NRXN1: variants seen among roughly 807,000 people sequenced by gnomAD.
The protein encoded by NRXN1 is neurexin-1.
A neutral mutation model predicts 150.9 loss-of-function variants in NRXN1; 39 were observed. The observed-to-expected ratio is 0.26, with a 90% CI of 0.20 to 0.34. The LOEUF (loss-of-function observed/expected upper bound fraction) is 0.34, where lower values mean the gene tolerates loss of function less well. Ranked by LOEUF, NRXN1 falls within the 10% of genes least tolerant of loss-of-function variation. The pLI, the probability that NRXN1 is intolerant of heterozygous loss-of-function variation, is 1.00. For missense variants in NRXN1, 1,815 were observed against 1,949.9 expected (o/e 0.93, Z 1.30); for synonymous variants, 924 against 757.0 (o/e 1.22, Z -3.62).
chr2:50,235,239 A>T (rs886148649), intron 18 of NRXN1, among the ~76,000 whole-genome samples: 1 of 152,130 alleles, frequency 6.6e-6, no homozygotes, highest in African/African-American at 2.4e-5. Flanking sequence ...CTAAACAGCA[A>T]GATTCCTTAC....
At chr2:50,867,128 CTTT>C (rs1677050555) in intron 5 of NRXN1, among the ~76,000 whole-genome samples, 1 of 151,838 alleles carries the variant, frequency 6.6e-6, no homozygotes, top group Non-Finnish European at 1.5e-5. Flanking sequence ...ATCTCATGAG[CTTT>C]TTACTTTTGT....
chr2:50,410,631 G>A (rs565868249), intron 17 of NRXN1, among the ~76,000 whole-genome samples: 111 of 152,268 alleles, frequency 7.3e-4, no homozygotes, highest in Middle Eastern at 3.4e-3. Flanking sequence ...AATTTTAACT[G>A]CTGACCTTTG....
At chr2:50,011,198 T>C (rs567896150) in intron 21 of NRXN1, among the ~76,000 whole-genome samples, 21 of 152,280 alleles carry the variant, frequency 1.4e-4, no homozygotes, top group African/African-American at 5.1e-4. Context: ...TAGGTAGCTA[T>C]TGTCACAATC....
At chr2:50,481,760 C>CTTTTTTTTTTTTTTTTTTT (rs758265489) in intron 15 of NRXN1, among the ~76,000 whole-genome samples, 2 of 82,958 alleles carry the variant, frequency 2.4e-5, no homozygotes, top group African/African-American at 5.8e-5. Context: ...ACTTTTGTTT[C>CTTTTTTTTTTTTTTTTTTT]TTTTTTTTTT....
chr2:50,918,614 GTCAT>G (rs1685553702), intron 5 of NRXN1: 3 of 372,272 alleles, frequency 8.1e-6, no homozygotes, highest in Non-Finnish European at 1.4e-5. Flanking sequence ...AATTTAAATA[GTCAT>G]TCATTTCTGA....
chr2:50,487,544 T>C (rs570588222), intron 15 of NRXN1, among the ~76,000 whole-genome samples: 1 of 152,244 alleles, frequency 6.6e-6, no homozygotes, highest in Admixed American at 6.5e-5. Flanking sequence ...TGGATAAAGA[T>C]GGCAGATTTA....
intron 18 of NRXN1, among the ~76,000 whole-genome samples, chr2:50,133,782 A>T (rs1348764670): frequency 6.6e-6 from 1 of 152,204 alleles, no homozygotes. Flanking sequence ...AACAGTTGCT[A>T]TTAACAGATT....
chr2:50,603,246 A>G (rs1485753586), intron 8 of NRXN1, among the ~76,000 whole-genome samples: 2 of 152,198 alleles, frequency 1.3e-5, no homozygotes, highest in African/African-American at 4.8e-5. Context: ...TGACTGGACT[A>G]TGGGACCAGC....
intron 19 of NRXN1, among the ~76,000 whole-genome samples, chr2:50,076,026 T>C (rs1242235026): frequency 6.6e-6 from 1 of 152,260 alleles, no homozygotes; most frequent in Non-Finnish European, 1.5e-5. Context: ...GCCCACATTT[T>C]ACTCTTCTGT....
chr2:50,897,816 T>A (rs144692408), intron 5 of NRXN1, among the ~76,000 whole-genome samples: 9 of 152,208 alleles, frequency 5.9e-5, no homozygotes, highest in Non-Finnish European at 1.3e-4. Flanking sequence ...ATGTTCTGTA[T>A]CTTGGTTGCA....
chr2:50,472,141 G>A (rs759260338), intron 16 of NRXN1, among the ~76,000 whole-genome samples, 157 bp downstream of exon 16: 3 of 151,664 alleles, frequency 2.0e-5, no homozygotes, highest in Admixed American at 6.6e-5. Flanking sequence ...GAAAATTTAA[G>A]GTTTATGAGA....
intron 17 of NRXN1, among the ~76,000 whole-genome samples, chr2:50,450,333 T>TATC (rs1488302425): frequency 6.6e-6 from 1 of 152,108 alleles, no homozygotes; most frequent in African/African-American, 2.4e-5. Flanking sequence ...AATTGTTAGT[T>TATC]ATCTTATTAA....
intron 5 of NRXN1, among the ~76,000 whole-genome samples, chr2:50,821,813 AAATC>A (rs1002893661): frequency 1.3e-5 from 2 of 152,190 alleles, no homozygotes; most frequent in South Asian, 2.1e-4. Flanking sequence ...GGAAATAAAA[AAATC>A]AATAAGGTGG....
intron 5 of NRXN1, among the ~76,000 whole-genome samples, chr2:50,625,700 T>G (rs1386541966): frequency 6.6e-6 from 1 of 152,078 alleles, no homozygotes; most frequent in Admixed American, 6.6e-5. Context: ...GGATTGTAGG[T>G]TGGCCACTAG....
chr2:50,858,107 G>A lies in NRXN1; in HGVS notation c.832+63762C>T, dbSNP rs534181124. On this transcript the variant is annotated intron_variant, in intron 5 of 22. Transcript: ENST00000401669. ...ACCCAAATAGATTTTTTTTTTTTCCGAATGGATAAAGACAAACTTTGGAGC... is the reference window on the plus strand; with the variant it reads ...ACCCAAATAGATTTTTTTTTTTTCCAAATGGATAAAGACAAACTTTGGAGC... 1.2e-4 allele frequency among the ~76,000 whole-genome samples: 18 copies of A among 144,888 alleles called. No individual in the cohort carries two copies. The South Asian group carries it at 2.2e-3, about 17-fold the overall frequency.
chr2:50,169,239 A>G (rs188848633), intron 18 of NRXN1, among the ~76,000 whole-genome samples: 342 of 152,262 alleles, frequency 2.2e-3, no homozygotes, highest in Non-Finnish European at 4.0e-3. Context: ...CAGTATTCAA[A>G]AGTAGGTAAT....
intron 3 of NRXN1, among the ~76,000 whole-genome samples, chr2:50,923,229 C>T (rs547002067): frequency 6.6e-6 from 1 of 151,912 alleles, no homozygotes; most frequent in African/African-American, 2.4e-5. Flanking sequence ...CATGTAGCGG[C>T]TGACTAGGCT....
chr2:50,688,963 C>A (rs1356945428), intron 5 of NRXN1, among the ~76,000 whole-genome samples: 1 of 152,098 alleles, frequency 6.6e-6, no homozygotes, highest in Non-Finnish European at 1.5e-5. Context: ...TAAGTGGATT[C>A]TTTTTCCAAT....
Position 50,509,671 on chromosome 2 carries a change from C to G in NRXN1, c.2375-3054G>C, listed in dbSNP as rs534094776. 2.6e-5 allele frequency among the ~76,000 whole-genome samples: 4 copies of G among 152,290 alleles called. No homozygotes were observed. The East Asian group carries it at 5.8e-4, about 22-fold the overall frequency. The stretch of plus-strand genomic sequence containing the variant: ...AATTTTGAATTTGAGAGTTTGTCCT[C>G]TTGCTATAATTTTAATGGCAAAATT... On this transcript the variant is annotated intron_variant, in intron 12 of 22. Coordinates refer to ENST00000401669, the MANE Select transcript of NRXN1 (RefSeq NM_001330078.2).
Sources: allele counts gnomAD v4.1 joint callset (sites outside exome capture counted in the v4.1 genomes callset), GRCh38; gene constraint gnomAD v4.1.1; transcripts MANE v1.5; gene names NCBI Gene and HGNC (gene_info 2026-07-23, HGNC 2026-07-21).